The following GLP1R variants were observed in gnomAD, a reference collection of about 807,000 sequenced individuals.
GLP1R encodes glucagon like peptide 1 receptor, also known as glucagon-like peptide 1 receptor.
GLP1R carries 32 observed loss-of-function variants against 68.4 expected under a neutral mutation model. The ratio of observed to expected loss-of-function variants is 0.47; its 90% CI spans 0.35 to 0.63. The LOEUF (loss-of-function observed/expected upper bound fraction) is 0.63. Ranked by LOEUF, GLP1R falls within the 20% of genes least tolerant of loss-of-function variation. The pLI is 0.00. For missense variants in GLP1R, 502 were observed against 594.9 expected, an observed-to-expected ratio of 0.84 and a Z score of 1.62; for synonymous variants, 263 against 244.4, an observed-to-expected ratio of 1.08 and a Z score of -0.71.
intron 5 of GLP1R, among the ~76,000 whole-genome samples, chr6:39,068,569 A>G (rs7341356): frequency 0.45 from 69,116 of 152,092 alleles, 16,384 homozygotes; most frequent in Non-Finnish European, 0.51. Flanking sequence ...CAAAGAAGTA[A>G]CTATGTTCCC....
intron 2 of GLP1R, 82 bp downstream of exon 2, chr6:39,056,575 G>A: frequency 1.4e-6 from 1 of 738,668 alleles, no homozygotes; most frequent in Non-Finnish European, 2.4e-6. Context: ...AATGTCCATG[G>A]CTGGGAGCCA....
chr6:39,074,669 G>A (rs909620897), intron 7 of GLP1R, among the ~76,000 whole-genome samples: 5 of 151,954 alleles, frequency 3.3e-5, no homozygotes, highest in Non-Finnish European at 5.9e-5. Context: ...CCCCTGCCAC[G>A]GACCTCCGGG....
At chr6:39,066,885 A>G (rs1453194293) in intron 5 of GLP1R, among the ~76,000 whole-genome samples, 1 of 152,198 alleles carries the variant, frequency 6.6e-6, no homozygotes, top group African/African-American at 2.4e-5. Flanking sequence ...ACCTCAGGAC[A>G]CCAGGCAGCA....
chr6:39,060,393 C>G (rs1768329350), intron 3 of GLP1R, among the ~76,000 whole-genome samples: 1 of 152,152 alleles, frequency 6.6e-6, no homozygotes, highest in Non-Finnish European at 1.5e-5. Context: ...GGGTCATTTT[C>G]AGAGGCTGGC....
intron 8 of GLP1R, 126 bp downstream of exon 8, chr6:39,078,508 T>C (rs566615096): frequency 2.7e-6 from 2 of 744,930 alleles, no homozygotes; most frequent in East Asian, 2.5e-5. Flanking sequence ...GCTTAGAAGG[T>C]GAATTTAGTT....
chr6:39,067,287 T>G (rs1184592303), intron 5 of GLP1R, among the ~76,000 whole-genome samples: 2 of 152,264 alleles, frequency 1.3e-5, no homozygotes, highest in East Asian at 3.8e-4. Context: ...CATATTTGTC[T>G]TAGTCTTTTC....
At chr6:39,052,806 G>A (rs1297618281) in intron 1 of GLP1R, among the ~76,000 whole-genome samples, 2 of 152,170 alleles carry the variant, frequency 1.3e-5, no homozygotes, top group Non-Finnish European at 2.9e-5. Flanking sequence ...CGGCAGAACT[G>A]GCAACTGATG....
chr6:39,052,055 G>T (rs1226844023), intron 1 of GLP1R, among the ~76,000 whole-genome samples: 1 of 151,998 alleles, frequency 6.6e-6, no homozygotes, highest in Non-Finnish European at 1.5e-5. Context: ...GTCTGTGAGT[G>T]ATTGTGTGTG....
intron 1 of GLP1R, among the ~76,000 whole-genome samples, chr6:39,053,936 C>T (rs2268654): frequency 0.75 from 113,603 of 151,952 alleles, 43,027 homozygotes; most frequent in Middle Eastern, 0.82. Flanking sequence ...CACAGCTCTC[C>T]TCTGCTCTCC....
chr6:39,069,858 C>A (rs1421227011), intron 5 of GLP1R, among the ~76,000 whole-genome samples: 1 of 152,102 alleles, frequency 6.6e-6, no homozygotes, highest in South Asian at 2.1e-4. Context: ...TAACAAAATA[C>A]CTTAGACTGG....
chr6:39,065,413 C>T (rs1768474686), intron 3 of GLP1R, among the ~76,000 whole-genome samples: 1 of 152,220 alleles, frequency 6.6e-6, no homozygotes, highest in Non-Finnish European at 1.5e-5. Context: ...GGCATGAATT[C>T]ATTAAACTGT....
At chr6:39,073,078 C>T (rs1297318085) in intron 6 of GLP1R, 63 bp downstream of exon 6, 1 of 1,446,512 alleles carries the variant, frequency 6.9e-7, no homozygotes, top group African/African-American at 1.4e-5. Context: ...CTGCCTCTGC[C>T]ACCCTAGACA....
At chr6:39,055,291 G>A (rs1440298589) in intron 1 of GLP1R, among the ~76,000 whole-genome samples, 3 of 152,358 alleles carry the variant, frequency 2.0e-5, no homozygotes, top group African/African-American at 7.2e-5. Flanking sequence ...AAAGCAAAAT[G>A]TTGTTTTAAA....
At chr6:39,067,454 C>T (rs943909379) in intron 5 of GLP1R, among the ~76,000 whole-genome samples, 2 of 152,238 alleles carry the variant, frequency 1.3e-5, no homozygotes, top group Non-Finnish European at 2.9e-5. Flanking sequence ...CACCTTCTCA[C>T]TGTGTCCTCA....
In GLP1R at chr6:39,088,282, A is replaced by T. The variant is rs1032940665; in HGVS notation, c.*2209A>T. 6.6e-6 allele frequency among the ~76,000 whole-genome samples: 1 copy of T among 150,950 alleles called. No homozygotes were observed. The highest frequency in any genetic ancestry group is 6.6e-5 in the Admixed American group (1 of 15,154). On this transcript the variant is annotated 3_prime_UTR_variant, in exon 13 of 13. Coordinates refer to ENST00000373256, the MANE Select transcript of GLP1R (RefSeq NM_002062.5). The stretch of plus-strand genomic sequence containing the variant: ...CTGAAGAAATCTTTTCTTTGCTCCA[A>T]CCCCCGCTCCCCCGGCCCCCCGAAG...
At chr6:39,062,246 G>T (rs1768372936) in intron 3 of GLP1R, among the ~76,000 whole-genome samples, 1 of 152,212 alleles carries the variant, frequency 6.6e-6, no homozygotes, top group Admixed American at 6.5e-5. Flanking sequence ...TGGCTGCCCT[G>T]CTGCCTCCCT....
chr6:39,065,299 G>A (rs1289792767), intron 3 of GLP1R, among the ~76,000 whole-genome samples: 1 of 152,202 alleles, frequency 6.6e-6, no homozygotes, highest in East Asian at 1.9e-4. Flanking sequence ...GAGTGACTGC[G>A]GGGCAGGCAC....
Position 39,080,744 on chromosome 6 carries a change from G to A in GLP1R, c.1224+5G>A. 6.3e-7 allele frequency: 1 copy of A among 1,582,680 alleles called. No individual in the cohort carries two copies. The highest frequency in any genetic ancestry group is 8.6e-7 in the Non-Finnish European group (1 of 1,160,460). ...TACTGCTTTGTCAACAATGAGGTAA[G>A]CTCTGAGGAGGGACGGTGGGGACCC... On this transcript the variant is annotated splice_donor_5th_base_variant and intron_variant, in intron 12 of 12. Coordinates refer to ENST00000373256, the MANE Select transcript of GLP1R (RefSeq NM_002062.5).
In GLP1R at chr6:39,079,841, G is replaced by A. The variant is rs1583648694; in HGVS notation, c.1182+139G>A. On this transcript the variant is annotated intron_variant, in intron 11 of 12. Transcript: ENST00000373256. The surrounding 1 kb of genome is among the most constrained non-coding windows in gnomAD (Gnocchi z 4.5). ...ATCCCTGCCCAAAGTCACCTAGTTG[G>A]AGCAGAGCCAGAACTAGTATCCCCA... is the stretch of plus-strand genomic sequence containing the variant. The A allele has an allele frequency of 2.8e-6, 2 of 717,662 alleles. No individual in the cohort carries two copies. The highest frequency in any genetic ancestry group is 5.6e-5 in the East Asian group (2 of 35,550). 44.5% of individuals were successfully genotyped at this position (717,662 alleles called of 1,614,324 possible).
Sources: allele counts gnomAD v4.1 joint callset (sites outside exome capture counted in the v4.1 genomes callset), GRCh38; gene constraint gnomAD v4.1.1; non-coding constraint Gnocchi (gnomAD v3.1); transcripts MANE v1.5; gene names NCBI Gene and HGNC (gene_info 2026-07-23, HGNC 2026-07-21).